The following PLXNA1 variants were observed in gnomAD, a reference collection of about 807,000 sequenced individuals.
The protein encoded by PLXNA1 is plexin A1, also known as plexin-A1.
In PLXNA1, 77 loss-of-function variants were observed where a neutral mutation model predicts 191.7. That is an observed-to-expected ratio of 0.40 (90% CI 0.33 to 0.49). The LOEUF (loss-of-function observed/expected upper bound fraction) is 0.49. Among genes scored for constraint, PLXNA1 ranks in the 20% least tolerant of loss-of-function variants. The pLI, the probability that PLXNA1 is intolerant of heterozygous loss-of-function variation, is 0.63. For missense variants in PLXNA1, 2,110 were observed against 2,660.2 expected (o/e 0.79, Z 4.55); for synonymous variants, 1,137 against 1,156.4 (o/e 0.98, Z 0.34).
chr3:127,006,830 G>A (rs935714776), intron 8 of PLXNA1, among the ~76,000 whole-genome samples: 3 of 152,152 alleles, frequency 2.0e-5, no homozygotes, highest in East Asian at 1.9e-4. Flanking sequence ...AGGAAGGATG[G>A]GAGGATCTGG....
intron 31 of PLXNA1, 67 bp from the exon 32 acceptor site, chr3:127,033,855 G>T (rs1401194642): frequency 8.7e-6 from 12 of 1,387,124 alleles, no homozygotes; most frequent in Admixed American, 4.1e-5. Context: ...GGAGGCATCT[G>T]CCCTGGGCCT....
In PLXNA1 at chr3:127,020,245, C is replaced by T. The variant is rs993088571; in HGVS notation, c.3939C>T (p.Asp1313=). ...LQTDIHELTN[D]LDGAGIPFLD... The stretch of plus-strand genomic sequence containing the variant: ...CAGACATCCACGAGCTGACCAATGA[C>T]CTGGACGGTGCCGGCATCCCCTTCC... Residue 1313 remains aspartate, a synonymous_variant, in exon 21 of 32, where the codon GAC becomes GAT. Transcript: ENST00000393409. 17 of 1,613,100 alleles carry T rather than the reference C, an allele frequency of 1.1e-5. No homozygotes were observed. The highest frequency in any genetic ancestry group is 1.3e-5 in the Non-Finnish European group (15 of 1,179,992).
chr3:127,019,483 C>T (rs745843485), intron 20 of PLXNA1, among the ~76,000 whole-genome samples: 3 of 152,152 alleles, frequency 2.0e-5, no homozygotes, highest in African/African-American at 7.2e-5. Flanking sequence ...GGCTGTCTGG[C>T]GAGGCTGGCG....
At chr3:126,986,906 C>T (rs553099976) in intron 1 of PLXNA1, among the ~76,000 whole-genome samples, 12 of 152,210 alleles carry the variant, frequency 7.9e-5, no homozygotes, top group Non-Finnish European at 1.6e-4. Context: ...GCTTCCCCAT[C>T]TGTAAAATGG....
Position 127,014,360 on chromosome 3 carries a change from C to A in PLXNA1, c.2589C>A (p.Asp863Glu). 6.3e-7 allele frequency: 1 copy of A among 1,593,040 alleles called. No individual in the cohort carries two copies. The highest frequency in any genetic ancestry group is 8.5e-7 in the Non-Finnish European group (1 of 1,176,144). Reference sequence around the variant, plus strand: ...GTCACGGCAGCAGTCGCTGCACCGACCCCAAGATCCTCAAGGTAGGGCCCC... The same window carrying A: ...GTCACGGCAGCAGTCGCTGCACCGAACCCAAGATCCTCAAGGTAGGGCCCC... ...HARHGSSRCT[D>E]PKILKLSPET... Residue 863 changes from aspartate to glutamate, a missense_variant, in exon 12 of 32, where the codon GAC (aspartate) becomes GAA (glutamate). This residue lies in a region of PLXNA1 where 644 missense variants were observed against 714.3 expected (regional missense o/e 0.90). Transcript: ENST00000393409.
At position 127,035,770 on chromosome 3, in the gene PLXNA1, A is replaced by G. The variant is rs2079239473; in HGVS notation, c.*1753A>G. On this transcript the variant is annotated 3_prime_UTR_variant, in exon 32 of 32. Transcript: ENST00000393409. The stretch of plus-strand genomic sequence containing the variant: ...AGGCCCAAGGAGAGGACTCGGCCCC[A>G]TGGGGTGTGCCAGTCTTGCAGTCCG... 1 of 152,280 alleles carries G rather than the reference A, an allele frequency of 6.6e-6. No homozygotes were observed. The highest frequency in any genetic ancestry group is 1.5e-5 in the Non-Finnish European group (1 of 68,006). 9.4% of individuals were successfully genotyped at this position (152,280 alleles called of 1,614,324 possible). A position where few individuals can be genotyped will look rare whatever the true frequency, so the allele number is the denominator to read the frequency against.
chr3:126,989,253 C>T lies in PLXNA1; in HGVS notation c.660C>T (p.Tyr220=), dbSNP rs1302949261. The change falls in exon 2 of 32, where the codon TAC becomes TAT. Residue 220 remains tyrosine, a synonymous_variant. Coordinates refer to ENST00000393409, the MANE Select transcript of PLXNA1 (RefSeq NM_032242.4). ...EEDADMFGFV[Y]QDEFVSSQLK... ...ATGCCGACATGTTCGGCTTCGTGTA[C>T]CAGGATGAGTTTGTGTCATCACAGC... 3.7e-6 allele frequency: 6 copies of T among 1,613,556 alleles called. No homozygotes were observed. Among genetic ancestry groups the T allele is most frequent in the Non-Finnish European group, 5.1e-6 (6 of 1,180,060 alleles).
In PLXNA1 at chr3:127,017,530, T is replaced by C; in HGVS notation, c.3382T>C (p.Phe1128Leu). ...GGGGGAGCGGCCGGATGAGCTGGGC[T>C]TCGTCATGGACAACGTGCGCTCCCT... ...ELGERPDELG[F>L]VMDNVRSLLV... The change falls in exon 18 of 32, where the codon TTC becomes CTC. Residue 1128 changes from phenylalanine to leucine, a missense_variant. Coordinates refer to ENST00000393409, the MANE Select transcript of PLXNA1 (RefSeq NM_032242.4). The C allele has an allele frequency of 6.2e-7, 1 of 1,613,622 alleles. No individual in the cohort carries two copies. Among genetic ancestry groups the C allele is most frequent in the Non-Finnish European group, 8.5e-7 (1 of 1,180,002 alleles).
intron 20 of PLXNA1, 61 bp from the exon 21 acceptor site, chr3:127,020,141 G>C: frequency 6.3e-7 from 1 of 1,585,642 alleles, no homozygotes; most frequent in Non-Finnish European, 8.6e-7. Flanking sequence ...AGAGTGGGAG[G>C]GTTGGGGCAT....
rs779416566 is a variant in PLXNA1, at chr3:127,018,374, G to A, written c.3741G>A (p.Val1247=). The change falls in exon 20 of 32, where the codon GTG becomes GTA. Residue 1247 remains valine, a synonymous_variant. Transcript: ENST00000393409. The part of the protein sequence containing the change: ...SDSLLTLPAI[V]GIGGGGGLLL... ...GCCTGCTGACGCTGCCTGCCATTGT[G>A]GGCATTGGCGGAGGCGGGGGTCTCC... The A allele has an allele frequency of 3.0e-5, 49 of 1,613,008 alleles. No homozygotes were observed. Among genetic ancestry groups the A allele is most frequent in the Non-Finnish European group, 4.0e-5 (47 of 1,180,006 alleles).
chr3:127,029,768 C>A, intron 27 of PLXNA1, 106 bp from the exon 28 acceptor site: 1 of 1,351,290 alleles, frequency 7.4e-7, no homozygotes, highest in Non-Finnish European at 1.0e-6. Context: ...GCCCCAAAAT[C>A]CCACATGGGT....
intron 16 of PLXNA1, 99 bp downstream of exon 16, chr3:127,016,783 G>T: frequency 1.4e-6 from 2 of 1,453,902 alleles, no homozygotes; most frequent in South Asian, 2.4e-5. Flanking sequence ...CCTCCTGCAT[G>T]CCGGGTACTA....
At chr3:127,028,895 C>A (rs889408573) in intron 25 of PLXNA1, 98 bp from the exon 26 acceptor site, 5 of 844,096 alleles carry the variant, frequency 5.9e-6, no homozygotes, top group Non-Finnish European at 9.5e-6. Flanking sequence ...TGTGCTGGTG[C>A]TGAGAGCTGC....
intron 1 of PLXNA1, among the ~76,000 whole-genome samples, chr3:126,983,986 C>A (rs1429072920): frequency 3.3e-5 from 5 of 152,164 alleles, no homozygotes; most frequent in African/African-American, 1.2e-4. Flanking sequence ...CCCAGGAGGC[C>A]GCCCCGCTCG....
chr3:127,029,299 A>C, intron 26 of PLXNA1, 141 bp from the exon 27 acceptor site: 1 of 874,552 alleles, frequency 1.1e-6, no homozygotes, highest in Non-Finnish European at 1.9e-6. Context: ...GGCTGTCCTG[A>C]TATAGAGTTC....
At position 127,016,628 on chromosome 3, in the gene PLXNA1, C is replaced by T. The variant is rs2079125018; in HGVS notation, c.3126C>T (p.Tyr1042=). The T allele has an allele frequency of 1.2e-6, 2 of 1,613,782 alleles. No homozygotes were observed. The highest frequency in any genetic ancestry group is 1.7e-6 in the Non-Finnish European group (2 of 1,179,880). ...AGCTCACCAACCCTGAGGTGAAGTA[C>T]AACTACACCGAGGACCCCACCATCC... is the stretch of plus-strand genomic sequence containing the variant. The part of the protein sequence containing the change: ...RAQLTNPEVK[Y]NYTEDPTILR... Residue 1042 remains tyrosine (Y), a synonymous_variant, in exon 16 of 32, where the codon TAC becomes TAT. Transcript: ENST00000393409.
chr3:127,011,514 T>C (rs115908871), intron 9 of PLXNA1, among the ~76,000 whole-genome samples: 5,666 of 152,334 alleles, frequency 0.037, 358 homozygotes, highest in African/African-American at 0.12. Context: ...GCAGCCATGC[T>C]GCAAGGAAGC....
chr3:126,985,306 GTCTC>G (rs1470168150), intron 1 of PLXNA1, among the ~76,000 whole-genome samples: 2 of 152,056 alleles, frequency 1.3e-5, no homozygotes, highest in African/African-American at 4.8e-5. Context: ...AGACCGCGGG[GTCTC>G]TCTCCGCCTC....
rs886976746 is a variant in PLXNA1 at position 127,035,857 on chromosome 3, G to A, written c.*1840G>A. On this transcript the variant is annotated 3_prime_UTR_variant, in exon 32 of 32. Transcript: ENST00000393409. ...AGACCCGCCTCTTCCCTGAACGCGG[G>A]TCGGTGTGGAGTCAGTGACTGCTGA... 2.0e-5 allele frequency: 3 copies of A among 152,300 alleles called. No individual in the cohort carries two copies. Among genetic ancestry groups the A allele is most frequent in the African/African-American group, 7.2e-5 (3 of 41,448 alleles). 9.4% of individuals were successfully genotyped at this position (152,300 alleles called of 1,614,324 possible). A position where few individuals can be genotyped will look rare whatever the true frequency, so the allele number is the denominator to read the frequency against.
Sources: allele counts gnomAD v4.1 joint callset (sites outside exome capture counted in the v4.1 genomes callset), GRCh38; gene constraint gnomAD v4.1.1; regional missense constraint gnomAD v4.1.1; transcripts MANE v1.5; gene names NCBI Gene and HGNC (gene_info 2026-07-23, HGNC 2026-07-21).